Variants in TGIF2 observed in about 807,000 individuals in gnomAD.
TGIF2 encodes homeobox protein TGIF2.
A neutral mutation model predicts 15.1 loss-of-function variants in TGIF2; 5 were observed. That is an observed-to-expected ratio of 0.33 (90% CI 0.17 to 0.70). The LOEUF (loss-of-function observed/expected upper bound fraction) is 0.70. TGIF2 is among the 30% of genes least tolerant of loss of function. TGIF2 has a pLI of 0.67. For missense variants in TGIF2, 264 were observed against 302.5 expected (o/e 0.87, Z 0.94); for synonymous variants, 131 against 128.9 (o/e 1.02, Z -0.11).
In TGIF2 at chr20:36,576,322, A is replaced by G. The variant is rs549529179; in HGVS notation, c.-34-2419A>G. ...ACCTGGATTTTGAGTGGTTGAGTCT[A>G]GGACCAGGCTAAAGGGGCCTGACAA... On this transcript the variant is annotated intron_variant, in intron 1 of 2. Transcript: ENST00000373872. 5.3e-5 allele frequency among the ~76,000 whole-genome samples: 8 copies of G among 152,294 alleles called. No individual in the cohort carries two copies. In the South Asian group the frequency reaches 1.7e-3, roughly 32 times the overall value.
intron 2 of TGIF2, among the ~76,000 whole-genome samples, chr20:36,582,341 GTA>G (rs1180408523): frequency 6.6e-6 from 1 of 151,878 alleles, no homozygotes; most frequent in Non-Finnish European, 1.5e-5. Flanking sequence ...ATAAAACTGG[GTA>G]TATATATAAA....
chr20:36,586,737 A>G (rs1400840264), intron 2 of TGIF2, among the ~76,000 whole-genome samples: 1 of 138,130 alleles, frequency 7.2e-6, no homozygotes, highest in Non-Finnish European at 1.6e-5. Flanking sequence ...TGATTCTAAT[A>G]CAGAGAGCTG....
chr20:36,580,609 T>G (rs1463230379), intron 2 of TGIF2, among the ~76,000 whole-genome samples: 2 of 151,192 alleles, frequency 1.3e-5, no homozygotes, highest in Non-Finnish European at 1.5e-5. Context: ...CCCAGGAGTT[T>G]GAGACCAGCC....
rs1056218856 is a variant in TGIF2, at chr20:36,591,032, C to T, written c.315C>T (p.Leu105=). Residue 105 remains leucine (L), a synonymous_variant, in exon 3 of 3, where the codon CTC becomes CTT. Coordinates refer to ENST00000373872, the MANE Select transcript of TGIF2 (RefSeq NM_021809.7). This position sits in a 1 kb window ranked among gnomAD's most constrained non-coding sequence, Gnocchi z 5.3. ...GGGGTAAGGCCTCAGATGTGGCCCT[C>T]CCCCGTGGCAGCAGCCCCTCAGTGC... The part of the protein sequence containing the change: ...RRGGKASDVA[L]PRGSSPSVLA... 2 of 1,600,900 alleles carry T rather than the reference C, an allele frequency of 1.2e-6. No homozygotes were observed. The highest frequency in any genetic ancestry group is 1.7e-6 in the Non-Finnish European group (2 of 1,170,110).
Position 36,591,282 on chromosome 20 carries a change from G to C in TGIF2, c.565G>C (p.Glu189Gln). The C allele has an allele frequency of 2.5e-6, 4 of 1,614,210 alleles. No homozygotes were observed. Among genetic ancestry groups the C allele is most frequent in the South Asian group, 1.1e-5 (1 of 91,090 alleles). The change falls in exon 3 of 3, where the codon GAG becomes CAG. Residue 189 changes from glutamate (E) to glutamine (Q), a missense_variant. Glu to Gln is a conservative substitution (Grantham distance 29). Transcript: ENST00000373872. The surrounding 1 kb of genome is among the most constrained non-coding windows in gnomAD (Gnocchi z 5.3). ...CAACACGCCACCACCCACACCCCCA[G>C]AGCAGGACAAAGAGGACTTCAGCAG... is the stretch of plus-strand genomic sequence containing the variant. ...LFNTPPPTPPEQDKEDFSSFQ... is the reference protein window; with the variant it reads ...LFNTPPPTPPQQDKEDFSSFQ...
At chr20:36,582,147 A>G (rs1054766910) in intron 2 of TGIF2, among the ~76,000 whole-genome samples, 5 of 152,030 alleles carry the variant, frequency 3.3e-5, no homozygotes, top group Non-Finnish European at 7.4e-5. Context: ...AGGCAGGAGA[A>G]TCACTTTTGA....
intron 1 of TGIF2, among the ~76,000 whole-genome samples, 178 bp downstream of exon 1, chr20:36,573,923 C>G (rs1251130440): frequency 6.6e-6 from 1 of 151,560 alleles, no homozygotes; most frequent in Non-Finnish European, 1.5e-5. Context: ...TTGTGAGTCC[C>G]GACGGCGCTG....
At chr20:36,587,585 T>C (rs999099483) in intron 2 of TGIF2, among the ~76,000 whole-genome samples, 3 of 152,024 alleles carry the variant, frequency 2.0e-5, no homozygotes, top group Admixed American at 6.6e-5. Context: ...CAAGGAAGAC[T>C]CCCTCTCACT....
intron 1 of TGIF2, among the ~76,000 whole-genome samples, chr20:36,575,874 C>T (rs2038417381): frequency 6.6e-6 from 1 of 152,032 alleles, no homozygotes; most frequent in Non-Finnish European, 1.5e-5. Context: ...GGGCAGATCA[C>T]CTGAGGTCAG....
At chr20:36,585,308 A>G (rs1169264857) in intron 2 of TGIF2, among the ~76,000 whole-genome samples, 1 of 151,962 alleles carries the variant, frequency 6.6e-6, no homozygotes, top group Non-Finnish European at 1.5e-5. Flanking sequence ...GACCAGTCTG[A>G]CCAATGTGGT....
At chr20:36,580,895 C>T (rs1474816694) in intron 2 of TGIF2, among the ~76,000 whole-genome samples, 1 of 148,430 alleles carries the variant, frequency 6.7e-6, no homozygotes, top group African/African-American at 2.5e-5. Context: ...GAGGCCAAGG[C>T]GGGTGGATCA....
chr20:36,579,048 G>A (rs2038490786), intron 2 of TGIF2, 82 bp downstream of exon 2: 3 of 1,512,090 alleles, frequency 2.0e-6, no homozygotes, highest in East Asian at 2.3e-5. Context: ...AGTCACTGTG[G>A]TCTTGGGCCA....
Position 36,592,196 on chromosome 20 carries a change from G to A in TGIF2, c.*765G>A, listed in dbSNP as rs1238528806. On this transcript the variant is annotated 3_prime_UTR_variant, in exon 3 of 3. Coordinates refer to ENST00000373872, the MANE Select transcript of TGIF2 (RefSeq NM_021809.7). ...AAAAAAAAAAAACAACCGTATGAGC[G>A]CATTGGCTTGTCTGCCGCAGGCACA... 2.0e-5 allele frequency: 3 copies of A among 151,992 alleles called. No individual in the cohort carries two copies. Among genetic ancestry groups the A allele is most frequent in the East Asian group, 3.9e-4 (2 of 5,176 alleles). 9.4% of individuals were successfully genotyped at this position (151,992 alleles called of 1,614,324 possible).
chr20:36,577,291 C>G (rs1353555767), intron 1 of TGIF2, among the ~76,000 whole-genome samples: 1 of 152,016 alleles, frequency 6.6e-6, no homozygotes, highest in Non-Finnish European at 1.5e-5. Context: ...CCTCTGCCTT[C>G]TAGGTTCAAG....
intron 1 of TGIF2, among the ~76,000 whole-genome samples, 159 bp from the exon 2 acceptor site, chr20:36,578,581 TC>T (rs941135493): frequency 1.3e-5 from 2 of 152,190 alleles, no homozygotes; most frequent in Non-Finnish European, 2.9e-5. Context: ...TTTGGACTCA[TC>T]CCTTCTAGCT....
chr20:36,591,941 T>C lies in TGIF2; in HGVS notation c.*510T>C, dbSNP rs760406263. 2.0e-4 allele frequency: 31 copies of C among 154,170 alleles called. No homozygotes were observed. The highest frequency in any genetic ancestry group is 2.9e-5 in the Non-Finnish European group (2 of 69,040). 9.6% of individuals were successfully genotyped at this position (154,170 alleles called of 1,614,324 possible). ...TTGCTAAACTGTTTTCTTTTTCCCT[T>C]TTTTGCTGTGGTTTGCATTCACGGC... is the stretch of plus-strand genomic sequence containing the variant. On this transcript the variant is annotated 3_prime_UTR_variant, in exon 3 of 3. Transcript: ENST00000373872. The surrounding 1 kb of genome is among the most constrained non-coding windows in gnomAD (Gnocchi z 5.3).
In TGIF2 at chr20:36,584,393, T is replaced by C. The variant is rs186560431; in HGVS notation, c.192+5427T>C. On this transcript the variant is annotated intron_variant, in intron 2 of 2. Transcript: ENST00000373872. ...AGCATAGTGCTTGGTATCTGGTAGG[T>C]AGGTGCTCAGTAAATAATGTTGAAG... is the stretch of plus-strand genomic sequence containing the variant. Among the ~76,000 whole-genome samples, 122 of 152,196 alleles carry C rather than the reference T, an allele frequency of 8.0e-4. 1 individual carries two copies. Among genetic ancestry groups the C allele is most frequent in the African/African-American group, 2.9e-3 (120 of 41,518 alleles).
chr20:36,583,672 G>A (rs891515318), intron 2 of TGIF2, among the ~76,000 whole-genome samples: 1 of 152,100 alleles, frequency 6.6e-6, no homozygotes, highest in Non-Finnish European at 1.5e-5. Flanking sequence ...TGAGGCGGGT[G>A]GGTCACCTGA....
At chr20:36,585,285 G>A (rs962334133) in intron 2 of TGIF2, among the ~76,000 whole-genome samples, 5 of 151,844 alleles carry the variant, frequency 3.3e-5, no homozygotes, top group South Asian at 2.1e-4. Context: ...ATCACTTGAG[G>A]CCAGGAGTTG....
Sources: allele counts gnomAD v4.1 joint callset (sites outside exome capture counted in the v4.1 genomes callset), GRCh38; gene constraint gnomAD v4.1.1; non-coding constraint Gnocchi (gnomAD v3.1); transcripts MANE v1.5; gene names NCBI Gene and HGNC (gene_info 2026-07-23, HGNC 2026-07-21).